C5orf22: variants seen among roughly 807,000 people sequenced by gnomAD.
The protein encoded by C5orf22 is chromosome 5 open reading frame 22.
In C5orf22, 36 loss-of-function variants were observed where a neutral mutation model predicts 48.7. The ratio of observed to expected loss-of-function variants is 0.74; its 90% confidence interval spans 0.57 to 0.98. The LOEUF (loss-of-function observed/expected upper bound fraction) is 0.98, where lower values mean the gene tolerates loss of function less well. Among genes scored for constraint, C5orf22 ranks in the 50% least tolerant of loss-of-function variants. The probability of loss-of-function intolerance (pLI) is 0.00; values close to 1 mark genes in which losing one functional copy is unlikely to be tolerated. For missense variants in C5orf22, 486 were observed against 521.9 expected (o/e 0.93, Z 0.67); for synonymous variants, 141 against 180.8 (o/e 0.78, Z 1.76).
intron 3 of C5orf22, among the ~76,000 whole-genome samples, chr5:31,537,663 A>G (rs1005325940): frequency 6.6e-6 from 1 of 152,210 alleles, no homozygotes; most frequent in African/African-American, 2.4e-5. Flanking sequence ...AAGCTCTAAA[A>G]TATGTCAGGG....
At chr5:31,542,467 C>CAAAAAAA (rs34647885) in intron 6 of C5orf22, among the ~76,000 whole-genome samples, 1 of 104,438 alleles carries the variant, frequency 9.6e-6, no homozygotes, top group Non-Finnish European at 2.0e-5. Context: ...GACTCCGTCT[C>CAAAAAAA]AAAAAAAAAA....
In C5orf22 at chr5:31,532,345, C is replaced by T. The variant is rs765871531; in HGVS notation, c.-48C>T. 1.4e-5 allele frequency: 23 copies of T among 1,594,496 alleles called. No individual in the cohort carries two copies. In the Admixed American group the frequency reaches 3.2e-4, roughly 22 times the overall value. ...GGATGAGGCGCCGGCTTTCCCGGGT[C>T]TTCTCCAGCTGCCACCGCTTTACTG... On this transcript the variant is annotated 5_prime_UTR_variant, in exon 1 of 9. Transcript: ENST00000325366.
chr5:31,540,738 C>T (rs886337203), intron 4 of C5orf22: 7 of 487,826 alleles, frequency 1.4e-5, no homozygotes, highest in Non-Finnish European at 3.6e-6. Context: ...GTGATATTTA[C>T]AATAAAACAA....
At chr5:31,535,713 T>A in intron 2 of C5orf22, 31 bp from the exon 3 acceptor site, 1 of 1,519,994 alleles carries the variant, frequency 6.6e-7, no homozygotes. Context: ...AAAATAAAAG[T>A]TTTAATGTTG....
At chr5:31,552,587 A>T (rs999579024) in intron 8 of C5orf22, among the ~76,000 whole-genome samples, 186 bp from the exon 9 acceptor site, 5 of 152,220 alleles carry the variant, frequency 3.3e-5, no homozygotes, top group Admixed American at 3.3e-4. Flanking sequence ...TGTGAAAATT[A>T]AAGAACATAA....
At chr5:31,550,355 T>C (rs1743176912) in intron 7 of C5orf22, among the ~76,000 whole-genome samples, 1 of 152,232 alleles carries the variant, frequency 6.6e-6, no homozygotes, top group Non-Finnish European at 1.5e-5. Flanking sequence ...GACTAGAACA[T>C]ATTCCATTCA....
intron 7 of C5orf22, among the ~76,000 whole-genome samples, chr5:31,548,066 C>T (rs1743008834): frequency 6.6e-6 from 1 of 152,150 alleles, no homozygotes; most frequent in Non-Finnish European, 1.5e-5. Context: ...CTTTGGGAGG[C>T]CAAGGCTGGC....
At chr5:31,550,051 G>C (rs912658551) in intron 7 of C5orf22, among the ~76,000 whole-genome samples, 1 of 152,070 alleles carries the variant, frequency 6.6e-6, no homozygotes, top group African/African-American at 2.4e-5. Flanking sequence ...ATTATGATAT[G>C]CCCTACAGCT....
intron 6 of C5orf22, among the ~76,000 whole-genome samples, chr5:31,542,466 T>C (rs1580448658): frequency 6.7e-5 from 3 of 45,038 alleles, no homozygotes; most frequent in Non-Finnish European, 1.9e-4. Context: ...AGACTCCGTC[T>C]CAAAAAAAAA....
At chr5:31,548,680 A>G (rs1372602187) in intron 7 of C5orf22, 1 of 374,712 alleles carries the variant, frequency 2.7e-6, no homozygotes, top group Non-Finnish European at 5.3e-6. Context: ...TTGCTTCCAC[A>G]TTTTCAGGTA....
At chr5:31,541,221 G>T (rs1742442695) in intron 5 of C5orf22, 60 bp from the exon 6 acceptor site, 2 of 1,552,720 alleles carry the variant, frequency 1.3e-6, no homozygotes, top group Non-Finnish European at 1.8e-6. Flanking sequence ...TTTGTAATGG[G>T]ATGTTGCTTG....
At chr5:31,546,191 A>G (rs1742870768) in intron 7 of C5orf22, among the ~76,000 whole-genome samples, 1 of 152,200 alleles carries the variant, frequency 6.6e-6, no homozygotes, top group Admixed American at 6.5e-5. Context: ...AGGTATCTGA[A>G]TGCTATGGCC....
intron 7 of C5orf22, chr5:31,548,587 C>T: frequency 2.2e-6 from 1 of 450,982 alleles, no homozygotes; most frequent in South Asian, 1.6e-5. Flanking sequence ...TTCAACAAGT[C>T]TCTAGGAAGT....
intron 6 of C5orf22, among the ~76,000 whole-genome samples, chr5:31,544,467 C>T (rs1288881451): frequency 1.3e-5 from 2 of 152,054 alleles, no homozygotes; most frequent in African/African-American, 4.8e-5. Context: ...ACCTGTAGTC[C>T]CAGCTACTTG....
At chr5:31,537,445 T>A (rs1742166942) in intron 3 of C5orf22, among the ~76,000 whole-genome samples, 1 of 152,180 alleles carries the variant, frequency 6.6e-6, no homozygotes, top group Non-Finnish European at 1.5e-5. Context: ...TGGACATTAG[T>A]TTTACTATGT....
At chr5:31,549,024 A>G (rs1003488206) in intron 7 of C5orf22, among the ~76,000 whole-genome samples, 4 of 152,164 alleles carry the variant, frequency 2.6e-5, no homozygotes, top group African/African-American at 9.7e-5. Context: ...GTTCGAGACC[A>G]GCCTGACCAG....
intron 6 of C5orf22, among the ~76,000 whole-genome samples, chr5:31,544,720 G>C (rs1742737613): frequency 6.6e-6 from 1 of 152,192 alleles, no homozygotes; most frequent in South Asian, 2.1e-4. Context: ...AGGCTTACTT[G>C]AGGCCAAGAG....
At chr5:31,535,095 G>T (rs115221112) in intron 2 of C5orf22, 4,741 of 435,362 alleles carry the variant, frequency 0.011, 47 homozygotes, top group Non-Finnish European at 0.018. Context: ...AGCCTTTTTA[G>T]ATAATTGTGA....
intron 7 of C5orf22, 103 bp downstream of exon 7, chr5:31,545,815 C>A: frequency 1.4e-6 from 1 of 694,260 alleles, no homozygotes; most frequent in South Asian, 1.9e-5. Context: ...TGTTTGTGTT[C>A]CTGTGAAGTC....
Sources: gnomAD v4.1 joint callset for allele counts (sites outside exome capture counted in the v4.1 genomes callset) on GRCh38, gnomAD v4.1.1 for gene constraint, MANE v1.5 for transcripts, NCBI Gene and HGNC (gene_info 2026-07-23, HGNC 2026-07-21) for gene names.